Variants in NR5A1 observed in about 807,000 individuals in gnomAD.
NR5A1 encodes nuclear receptor subfamily 5 group A member 1.
NR5A1 carries 6 observed loss-of-function variants against 42.7 expected under a neutral mutation model. That is an observed-to-expected ratio of 0.14 (90% confidence interval 0.08 to 0.28). NR5A1 has a LOEUF of 0.28. Ranked by LOEUF, NR5A1 falls within the 10% of genes least tolerant of loss-of-function variation. NR5A1 has a pLI of 1.00. For missense variants in NR5A1, 442 were observed against 626.4 expected (o/e 0.71, Z 3.14); for synonymous variants, 274 against 277.5 (o/e 0.99, Z 0.12).
intron 6 of NR5A1, 43 bp downstream of exon 6, chr9:124,491,038 C>A (rs1243692641): frequency 1.4e-6 from 2 of 1,478,196 alleles, no homozygotes; most frequent in East Asian, 2.7e-5. Flanking sequence ...CACCCACCCG[C>A]CTCTGGCTGT....
Position 124,501,739 on chromosome 9 carries a change from G to C in NR5A1, c.245-1024C>G, listed in dbSNP as rs533353750. Among the ~76,000 whole-genome samples, 16 of 152,326 alleles carry C rather than the reference G, an allele frequency of 1.1e-4. No homozygotes were observed. Among genetic ancestry groups the C allele is most frequent in the African/African-American group, 3.8e-4 (16 of 41,568 alleles). ...GGCATGGGCTCTGGGGACAGGACAG[G>C]ATGTCCCCTCTCCCATCCAGGAGTC... On this transcript the variant is annotated intron_variant, in intron 3 of 6. Transcript: ENST00000373588. The surrounding 1 kb of genome is among the most constrained non-coding windows in gnomAD (Gnocchi z 4.1).
chr9:124,487,041 T>C (rs1342092991), intron 6 of NR5A1, among the ~76,000 whole-genome samples: 1 of 152,108 alleles, frequency 6.6e-6, no homozygotes, highest in Non-Finnish European at 1.5e-5. Flanking sequence ...GAGACCGGCA[T>C]GTTGGAGAGG....
At position 124,500,986 on chromosome 9, in the gene NR5A1, C is replaced by T. The variant is rs767493778; in HGVS notation, c.245-271G>A. The T allele has an allele frequency of 1.4e-6, 1 of 712,288 alleles. No homozygotes were observed. Among genetic ancestry groups the T allele is most frequent in the South Asian group, 1.5e-5 (1 of 66,724 alleles). 44.1% of individuals were successfully genotyped at this position (712,288 alleles called of 1,614,324 possible). A position where few individuals can be genotyped will look rare whatever the true frequency, so the allele number is the denominator to read the frequency against. Reference sequence around the variant, plus strand: ...TTTGACACATCTCCTTCCTCCTCCACCCTGCCTTTCATTTTCCTTCTGACT... The same window carrying T: ...TTTGACACATCTCCTTCCTCCTCCATCCTGCCTTTCATTTTCCTTCTGACT... On this transcript the variant is annotated intron_variant, in intron 3 of 6. Coordinates refer to ENST00000373588, the MANE Select transcript of NR5A1 (RefSeq NM_004959.5). The surrounding 1 kb of genome is among the most constrained non-coding windows in gnomAD (Gnocchi z 6.9).
At chr9:124,491,679 A>T (rs1244121079) in intron 5 of NR5A1, among the ~76,000 whole-genome samples, 1 of 150,868 alleles carries the variant, frequency 6.6e-6, no homozygotes, top group Non-Finnish European at 1.5e-5. Flanking sequence ...GCTCAGAGTC[A>T]CACACACACA....
At position 124,496,014 on chromosome 9, in the gene NR5A1, A is replaced by C. The variant is rs907121450; in HGVS notation, c.871-2865T>G. On this transcript the variant is annotated intron_variant, in intron 4 of 6. Coordinates refer to ENST00000373588, the MANE Select transcript of NR5A1 (RefSeq NM_004959.5). This position sits in a 1 kb window ranked among gnomAD's most constrained non-coding sequence, Gnocchi z 5.0. ...TTAAAACGTAAGAACACACATTGGG[A>C]TGTATGGGAATCGGTGGACCTGCTG... 2.0e-5 allele frequency among the ~76,000 whole-genome samples: 3 copies of C among 152,184 alleles called. No individual in the cohort carries two copies. Among genetic ancestry groups the C allele is most frequent in the African/African-American group, 7.2e-5 (3 of 41,434 alleles).
Position 124,491,126 on chromosome 9 carries a change from G to A in NR5A1, c.1093C>T (p.Arg365Trp), listed in dbSNP as rs1564149534. The A allele has an allele frequency of 7.5e-6, 12 of 1,595,460 alleles. No homozygotes were observed. Among genetic ancestry groups the A allele is most frequent in the Non-Finnish European group, 1.0e-5 (12 of 1,170,234 alleles). ...AACTTGAGGCAGACAAACTCCTGCC[G>A]GTCCAGCTGCAGCGCAAGCAGCTGC... ...VLQLLALQLD[R>W]QEFVCLKFII... Residue 365 changes from arginine to tryptophan, a missense_variant, in exon 6 of 7, where the codon CGG becomes TGG. Arg to Trp is a moderately radical substitution (Grantham distance 101). Coordinates refer to ENST00000373588, the MANE Select transcript of NR5A1 (RefSeq NM_004959.5).
At chr9:124,487,345 G>GT (rs1185034645) in intron 6 of NR5A1, among the ~76,000 whole-genome samples, 1 of 152,248 alleles carries the variant, frequency 6.6e-6, no homozygotes, top group Non-Finnish European at 1.5e-5. Flanking sequence ...TGTTGGCGCG[G>GT]AGCAGTGGGT....
intron 6 of NR5A1, among the ~76,000 whole-genome samples, chr9:124,490,389 A>G (rs1467082436): frequency 6.6e-6 from 1 of 152,030 alleles, no homozygotes; most frequent in Non-Finnish European, 1.5e-5. Flanking sequence ...TGCAGACTGG[A>G]GTGGCCCAGG....
Position 124,500,731 on chromosome 9 carries a change from G to C in NR5A1, c.245-16C>G, listed in dbSNP as rs372490372. Reference sequence around the variant, plus strand: ...GCGCGCACGGCTGTGGGCAGGGGCAGAGGGTCAGACTCACCCTCTCTAAGC... The same window carrying C: ...GCGCGCACGGCTGTGGGCAGGGGCACAGGGTCAGACTCACCCTCTCTAAGC... On this transcript the variant is annotated splice_polypyrimidine_tract_variant and intron_variant, in intron 3 of 6. Coordinates refer to ENST00000373588, the MANE Select transcript of NR5A1 (RefSeq NM_004959.5). The surrounding 1 kb of genome is among the most constrained non-coding windows in gnomAD (Gnocchi z 6.9). 1 of 1,612,316 alleles carries C rather than the reference G, an allele frequency of 6.2e-7. No individual in the cohort carries two copies.
intron 4 of NR5A1, among the ~76,000 whole-genome samples, chr9:124,495,258 C>T (rs998767064): frequency 1.3e-5 from 2 of 152,218 alleles, no homozygotes; most frequent in Admixed American, 1.3e-4. Flanking sequence ...CTGACTCGGC[C>T]ATCTCTCCGT....
intron 1 of NR5A1, among the ~76,000 whole-genome samples, chr9:124,505,075 C>T (rs1832536255): frequency 6.6e-6 from 1 of 151,994 alleles, no homozygotes; most frequent in Admixed American, 6.5e-5. Flanking sequence ...CCCCCAAGCC[C>T]GGCCCGCGCC....
Position 124,482,571 on chromosome 9 carries a change from C to A in NR5A1, c.*187G>T. On this transcript the variant is annotated 3_prime_UTR_variant, in exon 7 of 7. Transcript: ENST00000373588. ...GCCACTCCACCTCCGCCAGGCCCTGCCCAGCCTCACCCACCTTCCCAAACA... is the reference window on the plus strand; with the variant it reads ...GCCACTCCACCTCCGCCAGGCCCTGACCAGCCTCACCCACCTTCCCAAACA... The A allele has an allele frequency of 4.4e-6, 3 of 683,542 alleles. No homozygotes were observed. The South Asian group carries it at 5.4e-5, about 12-fold the overall frequency. 42.3% of individuals were successfully genotyped at this position (683,542 alleles called of 1,614,324 possible).
chr9:124,503,547 C>A lies in NR5A1; in HGVS notation c.-15-137G>T. On this transcript the variant is annotated intron_variant, in intron 1 of 6. Coordinates refer to ENST00000373588, the MANE Select transcript of NR5A1 (RefSeq NM_004959.5). This position sits in a 1 kb window ranked among gnomAD's most constrained non-coding sequence, Gnocchi z 9.6. ...CCCAGGCGCTGCCGCCGGCACCCAC[C>A]GAGCGCCCCGCGCAGCGTCCCGGGG... 1.6e-6 allele frequency: 1 copy of A among 628,804 alleles called. No individual in the cohort carries two copies. The highest frequency in any genetic ancestry group is 2.5e-5 in the South Asian group (1 of 40,752). The allele number at this position is 628,804 out of a possible 1,614,324, so 39.0% of individuals were successfully genotyped here.
At chr9:124,483,031 A>AT in intron 6 of NR5A1, 26 bp from the exon 7 acceptor site, 1 of 1,613,006 alleles carries the variant, frequency 6.2e-7, no homozygotes, top group Non-Finnish European at 8.5e-7. Context: ...CTCGGTCACC[A>AT]TCGCGTCACC....
Position 124,482,499 on chromosome 9 carries a change from A to T in NR5A1, c.*259T>A. On this transcript the variant is annotated 3_prime_UTR_variant, in exon 7 of 7. Transcript: ENST00000373588. ...CAGGGAGGGGGCGGGGCGGGTGGTTAACAGCCACCTCCTTGGGGCACTCCA... is the reference window on the plus strand; with the variant it reads ...CAGGGAGGGGGCGGGGCGGGTGGTTTACAGCCACCTCCTTGGGGCACTCCA... 1 of 530,946 alleles carries T rather than the reference A, an allele frequency of 1.9e-6. No individual in the cohort carries two copies. The highest frequency in any genetic ancestry group is 2.0e-5 in the South Asian group (1 of 49,980). The allele number at this position is 530,946 out of a possible 1,614,324, so 32.9% of individuals were successfully genotyped here.
intron 6 of NR5A1, among the ~76,000 whole-genome samples, chr9:124,485,863 G>A (rs888105645): frequency 1.3e-5 from 2 of 152,180 alleles, no homozygotes; most frequent in Non-Finnish European, 2.9e-5. Context: ...CCACCATCCT[G>A]GGCTGAGCAA....
intron 4 of NR5A1, among the ~76,000 whole-genome samples, chr9:124,499,040 G>A (rs549815008): frequency 7.9e-5 from 12 of 152,214 alleles, no homozygotes; most frequent in Middle Eastern, 3.2e-3. Flanking sequence ...TGGGGGCAAC[G>A]GGCCCTGCTG....
At chr9:124,484,165 T>C (rs1173256789) in intron 6 of NR5A1, among the ~76,000 whole-genome samples, 1 of 152,166 alleles carries the variant, frequency 6.6e-6, no homozygotes, top group African/African-American at 2.4e-5. Flanking sequence ...AAGGGTTACA[T>C]GGGTACTCCA....
chr9:124,482,507 C>G lies in NR5A1; in HGVS notation c.*251G>C, dbSNP rs1026390658. On this transcript the variant is annotated 3_prime_UTR_variant, in exon 7 of 7. Transcript: ENST00000373588. ...GGGCGGGGCGGGTGGTTAACAGCCACCTCCTTGGGGCACTCCAAGCAGCAG... is the reference window on the plus strand; with the variant it reads ...GGGCGGGGCGGGTGGTTAACAGCCAGCTCCTTGGGGCACTCCAAGCAGCAG... The G allele has an allele frequency of 2.0e-5, 11 of 550,302 alleles. No individual in the cohort carries two copies. The highest frequency in any genetic ancestry group is 1.7e-4 in the African/African-American group (9 of 52,590). 34.1% of individuals were successfully genotyped at this position (550,302 alleles called of 1,614,324 possible).
Sources: allele counts gnomAD v4.1 joint callset (sites outside exome capture counted in the v4.1 genomes callset), GRCh38; gene constraint gnomAD v4.1.1; non-coding constraint Gnocchi (gnomAD v3.1); transcripts MANE v1.5; gene names NCBI Gene and HGNC (gene_info 2026-07-23, HGNC 2026-07-21).